LRRC7: variants seen among roughly 807,000 people sequenced by gnomAD.
The protein encoded by LRRC7 is leucine rich repeat containing 7.
Under a neutral mutation model 175.7 loss-of-function variants are expected in LRRC7, and 23 were observed. That is an observed-to-expected ratio of 0.13 (90% CI 0.09 to 0.19). The LOEUF (loss-of-function observed/expected upper bound fraction) is 0.19. Among genes scored for constraint, LRRC7 ranks in the 10% least tolerant of loss-of-function variants. LRRC7 has a pLI of 1.00. For missense variants in LRRC7, 1,354 were observed against 1,904.7 expected, an observed-to-expected ratio of 0.71 and a Z score of 5.38; for synonymous variants, 685 against 680.9, an observed-to-expected ratio of 1.01 and a Z score of -0.09.
chr1:69,984,738 C>G (rs918465182), intron 9 of LRRC7, among the ~76,000 whole-genome samples: 4 of 152,188 alleles, frequency 2.6e-5, no homozygotes, highest in Non-Finnish European at 5.9e-5. Context: ...TTCTATATCC[C>G]TCTAACAGAT....
intron 7 of LRRC7, among the ~76,000 whole-genome samples, chr1:69,865,775 C>T (rs916870062): frequency 5.9e-5 from 9 of 151,964 alleles, no homozygotes; most frequent in African/African-American, 1.9e-4. Context: ...CTACCGCGCC[C>T]GGCCCGACCG....
chr1:69,745,906 T>G (rs146624546), intron 2 of LRRC7, among the ~76,000 whole-genome samples: 1,648 of 152,034 alleles, frequency 0.011, 40 homozygotes, highest in African/African-American at 0.038. Flanking sequence ...AATTTTTATA[T>G]TCTGAAGAAA....
At chr1:69,926,180 T>C (rs899752840) in intron 7 of LRRC7, among the ~76,000 whole-genome samples, 1 of 144,580 alleles carries the variant, frequency 6.9e-6, no homozygotes, top group Admixed American at 7.3e-5. Flanking sequence ...TTGTTATAAT[T>C]TCCGTTCTTT....
At chr1:69,965,170 T>C (rs1342046303) in intron 8 of LRRC7, among the ~76,000 whole-genome samples, 1 of 152,248 alleles carries the variant, frequency 6.6e-6, no homozygotes, top group Non-Finnish European at 1.5e-5. Context: ...CCTATTCTTG[T>C]TCACATGTAC....
At chr1:69,766,551 G>A (rs1420335403) in intron 3 of LRRC7, among the ~76,000 whole-genome samples, 1 of 152,106 alleles carries the variant, frequency 6.6e-6, no homozygotes, top group Non-Finnish European at 1.5e-5. Context: ...ATATTTTAAA[G>A]TAATTAGCAG....
At chr1:69,868,600 G>GGTCACAC (rs1172761064) in intron 7 of LRRC7, among the ~76,000 whole-genome samples, 1 of 151,972 alleles carries the variant, frequency 6.6e-6, no homozygotes. Flanking sequence ...AGGGAGAGAT[G>GGTCACAC]GTCACACTGT....
rs1666951067 is a variant in LRRC7, at chr1:70,138,447, A to G, written c.*16560A>G. ...AATTCCAAATACTTGTGGTAGTAGA[A>G]AGCAATAAATATTCTAAAATGAGGG... On this transcript the variant is annotated 3_prime_UTR_variant, in exon 27 of 27. Transcript: ENST00000651989. 1.3e-5 allele frequency: 2 copies of G among 152,184 alleles called. No homozygotes were observed. The highest frequency in any genetic ancestry group is 4.1e-4 in the South Asian group (2 of 4,830). 9.4% of individuals were successfully genotyped at this position (152,184 alleles called of 1,614,324 possible).
At chr1:69,849,870 C>T (rs926754691) in intron 7 of LRRC7, among the ~76,000 whole-genome samples, 3 of 152,074 alleles carry the variant, frequency 2.0e-5, no homozygotes, top group Non-Finnish European at 2.9e-5. Flanking sequence ...TAATAGGTGT[C>T]AGACACTATT....
At chr1:69,854,776 T>G (rs1488749984) in intron 7 of LRRC7, among the ~76,000 whole-genome samples, 11 of 152,186 alleles carry the variant, frequency 7.2e-5, no homozygotes, top group Non-Finnish European at 1.3e-4. Context: ...TTTAAAAATA[T>G]GCCAGCATTT....
chr1:69,827,359 TG>T (rs1168570685), intron 5 of LRRC7, among the ~76,000 whole-genome samples: 4 of 152,202 alleles, frequency 2.6e-5, no homozygotes, highest in African/African-American at 9.6e-5. Flanking sequence ...TTCAAGTCTA[TG>T]GTTTTATTGG....
At chr1:69,672,937 T>C (rs1659287652) in intron 1 of LRRC7, among the ~76,000 whole-genome samples, 1 of 152,164 alleles carries the variant, frequency 6.6e-6, no homozygotes, top group Admixed American at 6.5e-5. Context: ...TGATTGTGCT[T>C]TTCTGGCTAC....
chr1:69,698,400 C>A (rs1305328951), intron 2 of LRRC7, among the ~76,000 whole-genome samples: 1 of 152,174 alleles, frequency 6.6e-6, no homozygotes, highest in African/African-American at 2.4e-5. Flanking sequence ...TGATGCATTG[C>A]CAAAACATGT....
intron 1 of LRRC7, among the ~76,000 whole-genome samples, chr1:69,597,225 G>A (rs1646878665): frequency 6.6e-6 from 1 of 152,060 alleles, no homozygotes; most frequent in Non-Finnish European, 1.5e-5. Context: ...ATGGAGGGGA[G>A]GACTAGGAGA....
At chr1:69,887,405 C>A (rs1460228790) in intron 7 of LRRC7, among the ~76,000 whole-genome samples, 1 of 141,778 alleles carries the variant, frequency 7.1e-6, no homozygotes, top group African/African-American at 2.8e-5. Context: ...TCCAGTTGAT[C>A]GCATTGGCTC....
intron 1 of LRRC7, among the ~76,000 whole-genome samples, chr1:69,594,166 C>T (rs922912704): frequency 1.3e-5 from 2 of 152,064 alleles, no homozygotes; most frequent in African/African-American, 4.8e-5. Flanking sequence ...ATACTACATA[C>T]CCATCTAGTC....
chr1:70,008,371 C>T (rs928089688), intron 11 of LRRC7, among the ~76,000 whole-genome samples: 2 of 152,192 alleles, frequency 1.3e-5, no homozygotes, highest in African/African-American at 2.4e-5. Flanking sequence ...ACTTTGTATC[C>T]CTCAATCCAA....
At chr1:69,711,297 C>T (rs1664723897) in intron 2 of LRRC7, among the ~76,000 whole-genome samples, 1 of 152,160 alleles carries the variant, frequency 6.6e-6, no homozygotes. Context: ...ATGCTTATCA[C>T]ATTTCTTTGA....
In LRRC7 at chr1:70,106,621, G is replaced by C. The variant is rs528307014; in HGVS notation, c.4546-1131G>C. 2.6e-5 allele frequency among the ~76,000 whole-genome samples: 4 copies of C among 152,258 alleles called. No homozygotes were observed. In the South Asian group the frequency reaches 6.2e-4, roughly 24 times the overall value. On this transcript the variant is annotated intron_variant, in intron 25 of 26. Transcript: ENST00000651989. The stretch of plus-strand genomic sequence containing the variant: ...TTTCAGTAGCACCTGAAATTAGTAA[G>C]AAGGTTTATGAAAGGCCATCTTAAT...
At chr1:70,042,426 T>C (rs1174092562) in intron 21 of LRRC7, among the ~76,000 whole-genome samples, 2 of 152,222 alleles carry the variant, frequency 1.3e-5, no homozygotes, top group Non-Finnish European at 2.9e-5. Context: ...AAGATCTCTG[T>C]CCATTCTACG....
Sources: allele counts gnomAD v4.1 joint callset (sites outside exome capture counted in the v4.1 genomes callset), GRCh38; gene constraint gnomAD v4.1.1; transcripts MANE v1.5; gene names NCBI Gene and HGNC (gene_info 2026-07-23, HGNC 2026-07-21).